L1CAM: variants seen among roughly 807,000 people sequenced by gnomAD.
L1CAM encodes the protein L1 cell adhesion molecule.
L1CAM carries 8 observed loss-of-function variants against 93.0 expected under a neutral mutation model. That is an observed-to-expected ratio of 0.09 (90% CI 0.05 to 0.16). The LOEUF (loss-of-function observed/expected upper bound fraction) is 0.16. Ranked by LOEUF, L1CAM falls within the 10% of genes least tolerant of loss-of-function variation. L1CAM has a pLI of 1.00. For missense variants in L1CAM, 777 were observed against 1,073.4 expected, an observed-to-expected ratio of 0.72 and a Z score of 3.86; for synonymous variants, 453 against 453.0, an observed-to-expected ratio of 1.00 and a Z score of 0.00.
At chrX:153,866,985 A>G in intron 18 of L1CAM, 69 bp downstream of exon 18, 1 of 1,129,705 alleles carries the variant, frequency 8.9e-7, no homozygotes, top group Non-Finnish European at 1.2e-6. Context: ...TTGCATAGCC[A>G]AGGGGGAGCA....
intron 14 of L1CAM, 60 bp from the exon 15 acceptor site, chrX:153,868,182 C>T (rs1249826905): frequency 8.4e-7 from 1 of 1,196,911 alleles, no homozygotes; most frequent in Non-Finnish European, 1.1e-6. Context: ...TCCCATCCCT[C>T]CCTCCTGTCT....
At position 153,880,586 on chromosome X, in the gene L1CAM, G is replaced by A. The variant is rs1053529556; in HGVS notation, c.-108-4642C>T. On this transcript the variant is annotated intron_variant, in intron 1 of 28. Coordinates refer to ENST00000370060, the MANE Select transcript of L1CAM (RefSeq NM_001278116.2). ...CTGGGGGGCTTCTGTGCCTGTTGGT[G>A]TGTATACGATGGTGTGGGTGTCACC... 13 of 332,392 alleles carry A rather than the reference G, an allele frequency of 3.9e-5. No individual in the cohort carries two copies. In the East Asian group the frequency reaches 1.3e-3, roughly 35 times the overall value. 27.4% of individuals were successfully genotyped at this position (332,392 alleles called of 1,213,427 possible). A position where few individuals can be genotyped will look rare whatever the true frequency, so the allele number is the denominator to read the frequency against.
chrX:153,866,227 C>T (rs2064711254), intron 19 of L1CAM, among the ~76,000 whole-genome samples: 1 of 106,627 alleles, frequency 9.4e-6, no homozygotes, highest in Admixed American at 1.0e-4. Context: ...GCAGGAGAAT[C>T]GCTTGAACCC....
intron 1 of L1CAM, 90 bp from the exon 2 acceptor site, chrX:153,876,034 G>A: frequency 2.1e-6 from 1 of 469,281 alleles, no homozygotes; most frequent in Non-Finnish European, 3.8e-6. Context: ...GTAAGCCCGG[G>A]CTCTTGGCCC....
chrX:153,872,143 G>A lies in L1CAM; in HGVS notation c.400+9C>T, dbSNP rs201057718. 3.5e-5 allele frequency: 42 copies of A among 1,197,554 alleles called. No individual in the cohort carries two copies. The highest frequency in any genetic ancestry group is 6.6e-5 in the Admixed American group (3 of 45,462). On this transcript the variant is annotated intron_variant, in intron 5 of 28. Coordinates refer to ENST00000370060, the MANE Select transcript of L1CAM (RefSeq NM_001278116.2). ...ACCTGCCCTCCCTGGTCCCTGCAGC[G>A]CCTCGCACCCTCGGCCATGAGCCGG...
chrX:153,871,285 A>T, intron 5 of L1CAM, 106 bp from the exon 6 acceptor site: 1 of 698,072 alleles, frequency 1.4e-6, no homozygotes, highest in Non-Finnish European at 2.2e-6. Context: ...GGGATGGACG[A>T]GGGGGCGAGA....
At position 153,868,719 on chromosome X, in the gene L1CAM, T is replaced by A. The variant is rs1557091966; in HGVS notation, c.1388A>T (p.Glu463Val). Residue 463 changes from glutamate (E) to valine (V), a missense_variant, in exon 13 of 29, where the codon GAG becomes GTG. Glu to Val is a moderately radical substitution (Grantham distance 121). This residue lies in a region of L1CAM where 574 missense variants were observed against 781.0 expected (regional missense o/e 0.73). Coordinates refer to ENST00000370060, the MANE Select transcript of L1CAM (RefSeq NM_001278116.2). ...APVPSVQWLD[E>V]DGTTVLQDER... ...GTCCTGAAGCACTGTTGTCCCATCCTCGTCCAGCCTGGAGGGAGCAGGGCG... is the reference window on the plus strand; with the variant it reads ...GTCCTGAAGCACTGTTGTCCCATCCACGTCCAGCCTGGAGGGAGCAGGGCG... 8.3e-7 allele frequency: 1 copy of A among 1,211,744 alleles called. No homozygotes were observed. Among genetic ancestry groups the A allele is most frequent in the Non-Finnish European group, 1.1e-6 (1 of 895,530 alleles).
chrX:153,866,587 C>T, intron 19 of L1CAM, 62 bp downstream of exon 19: 1 of 849,743 alleles, frequency 1.2e-6, no homozygotes, highest in Non-Finnish European at 1.7e-6. Flanking sequence ...GAGGTGTGGA[C>T]ATGGGCTGGG....
chrX:153,872,056 C>A, intron 5 of L1CAM, 96 bp downstream of exon 5: 1 of 745,621 alleles, frequency 1.3e-6, no homozygotes, highest in East Asian at 3.3e-5. Flanking sequence ...CACCCAGGCC[C>A]CTCGCCACGA....
Position 153,865,415 on chromosome X carries a change from G to A in L1CAM, c.2633C>T (p.Thr878Ile). The change falls in exon 21 of 29, where the codon ACC (threonine) becomes ATC (isoleucine). Residue 878 changes from threonine to isoleucine, a missense_variant. Coordinates refer to ENST00000370060, the MANE Select transcript of L1CAM (RefSeq NM_001278116.2). ...KDHVVVPANT[T>I]SVILSGLRPY... ...CCGCAAGCCACTGAGGATGACACTG[G>A]TGGTGTTGGCGGGCACCACCACATG... is the stretch of plus-strand genomic sequence containing the variant. The A allele has an allele frequency of 8.3e-7, 1 of 1,211,166 alleles. No individual in the cohort carries two copies. Among genetic ancestry groups the A allele is most frequent in the Non-Finnish European group, 1.1e-6 (1 of 894,942 alleles).
At position 153,863,830 on chromosome X, in the gene L1CAM, G is replaced by A. The variant is rs137915897; in HGVS notation, c.3457+53C>T. 10,515 of 1,204,670 alleles carry A rather than the reference G, an allele frequency of 8.7e-3. 439 individuals carry two copies. In the African/African-American group the frequency reaches 0.14, roughly 16 times the overall value. On this transcript the variant is annotated intron_variant, in intron 26 of 28. Transcript: ENST00000370060. ...CTTGCAGAAGGGTGGAAGGGGCGAG[G>A]TGCTCCTCTCTGCCCTCGGCTCCAC...
intron 11 of L1CAM, 36 bp from the exon 12 acceptor site, chrX:153,868,988 C>A: frequency 9.2e-7 from 1 of 1,087,878 alleles, no homozygotes; most frequent in Non-Finnish European, 1.3e-6. Context: ...CAGGGCAGGA[C>A]TTGGGACCAC....
chrX:153,862,760 A>G lies in L1CAM; in HGVS notation c.3677T>C (p.Ile1226Thr). The G allele has an allele frequency of 8.2e-7, 1 of 1,212,188 alleles. No homozygotes were observed. The highest frequency in any genetic ancestry group is 1.1e-6 in the Non-Finnish European group (1 of 895,418). Residue 1226 changes from isoleucine (I) to threonine (T), a missense_variant, in exon 29 of 29, where the codon ATT becomes ACT. Coordinates refer to ENST00000370060, the MANE Select transcript of L1CAM (RefSeq NM_001278116.2). The stretch of plus-strand genomic sequence containing the variant: ...CTCCTTCTTGCCACTGTACTGGCCA[A>G]TGAACGAACCATCCTCGTTGAACTG... ...DVQFNEDGSF[I>T]GQYSGKKEKE...
chrX:153,869,899 G>A lies in L1CAM; in HGVS notation c.1027C>T (p.Leu343=). 1 of 1,210,102 alleles carries A rather than the reference G, an allele frequency of 8.3e-7. No individual in the cohort carries two copies. The highest frequency in any genetic ancestry group is 1.1e-6 in the Non-Finnish European group (1 of 894,903). ...CGGGCAGTCTCTCCTGGCCCATATAGATGGCTCTGGGGCTTGTGCAGCCAG... is the reference window on the plus strand; with the variant it reads ...CGGGCAGTCTCTCCTGGCCCATATAAATGGCTCTGGGGCTTGTGCAGCCAG... ...PYWLHKPQSH[L]YGPGETARLD... is the part of the protein sequence containing the mutation. Residue 343 remains leucine (L), a synonymous_variant, in exon 10 of 29, where the codon CTA becomes TTA. Transcript: ENST00000370060.
At chrX:153,873,932 G>C in intron 2 of L1CAM, among the ~76,000 whole-genome samples, 1 of 112,669 alleles carries the variant, frequency 8.9e-6, no homozygotes. Context: ...CCTCGAGGAA[G>C]GGAGAAGAGG....
rs2064698425 is a variant in L1CAM at position 153,864,937 on chromosome X, G to A, written c.2930C>T (p.Thr977Ile). The A allele has an allele frequency of 2.5e-6, 3 of 1,211,082 alleles. No individual in the cohort carries two copies. The highest frequency in any genetic ancestry group is 2.2e-5 in the Admixed American group (1 of 46,004). The change falls in exon 23 of 29, where the codon ACA becomes ATA. Residue 977 changes from threonine (T) to isoleucine (I), a missense_variant. Transcript: ENST00000370060. ...SFNLRDPELR[T>I]HNLTDLSPHL... ...GGGGCTGAGATCGGTCAGGTTGTGT[G>A]TCCGAAGTTCGGGGTCCCGAAGGTT... is the stretch of plus-strand genomic sequence containing the variant.
At chrX:153,875,541 C>G in intron 2 of L1CAM, 1 of 503,626 alleles carries the variant, frequency 2.0e-6, no homozygotes, top group South Asian at 2.5e-5. Flanking sequence ...GGCGGCCGCG[C>G]CTGTCCCTGT....
At chrX:153,884,312 C>T (rs782303608) in intron 1 of L1CAM, 13 of 915,101 alleles carry the variant, frequency 1.4e-5, no homozygotes, top group South Asian at 6.6e-5. Flanking sequence ...CAGGGGACCC[C>T]GCCACCTTGA....
chrX:153,866,468 G>T (rs2064714084), intron 19 of L1CAM, among the ~76,000 whole-genome samples, 181 bp downstream of exon 19: 1 of 112,019 alleles, frequency 8.9e-6, no homozygotes, highest in Non-Finnish European at 1.9e-5. Context: ...GATATAACTG[G>T]AATACCGCTG....
Sources: allele counts gnomAD v4.1 joint callset (sites outside exome capture counted in the v4.1 genomes callset), GRCh38; gene constraint gnomAD v4.1.1; regional missense constraint gnomAD v4.1.1; transcripts MANE v1.5; gene names NCBI Gene and HGNC (gene_info 2026-07-23, HGNC 2026-07-21).